The following DACH2 variants were observed in gnomAD, a reference collection of about 807,000 sequenced individuals.
The protein encoded by DACH2 is dachshund homolog 2.
DACH2 carries 17 observed loss-of-function variants against 35.8 expected under a neutral mutation model. The ratio of observed to expected loss-of-function variants is 0.48; its 90% CI spans 0.33 to 0.71. DACH2 has a LOEUF of 0.71. Among genes scored for constraint, DACH2 ranks in the 30% least tolerant of loss-of-function variants. The pLI is 0.02. For synonymous variants in DACH2, 195 were observed against 177.3 expected (o/e 1.10, Z -0.79); for missense variants, 469 against 472.7 (o/e 0.99, Z 0.07).
chrX:86,695,286 T>C, intron 5 of DACH2, 107 bp downstream of exon 5: 1 of 647,376 alleles, frequency 1.5e-6, no homozygotes, highest in East Asian at 4.4e-5. Flanking sequence ...TTCAATAAAG[T>C]TTAACAATTT....
intron 1 of DACH2, among the ~76,000 whole-genome samples, chrX:86,188,628 C>A (rs753231758): frequency 9.9e-5 from 11 of 111,579 alleles, no homozygotes; most frequent in Non-Finnish European, 1.9e-4. Flanking sequence ...CAAAAGGGGC[C>A]TTTTAAGACC....
chrX:86,781,471 C>T (rs2147309761), intron 7 of DACH2, among the ~76,000 whole-genome samples: 1 of 111,601 alleles, frequency 9.0e-6, no homozygotes, highest in South Asian at 3.7e-4. Context: ...TTTTGCATAA[C>T]TTTCTAAACA....
At chrX:86,404,172 G>A (rs2036484584) in intron 2 of DACH2, among the ~76,000 whole-genome samples, 1 of 109,944 alleles carries the variant, frequency 9.1e-6, no homozygotes, top group Non-Finnish European at 1.9e-5. Flanking sequence ...CCCACCCCTG[G>A]CCCCTCCCAA....
intron 11 of DACH2, chrX:86,829,513 C>A (rs896577197): frequency 8.9e-6 from 1 of 112,003 alleles, no homozygotes; most frequent in Non-Finnish European, 1.9e-5. Context: ...CATATATCTG[C>A]CTTGTTTATG....
intron 3 of DACH2, among the ~76,000 whole-genome samples, chrX:86,586,606 G>A (rs997843900): frequency 1.8e-5 from 2 of 111,557 alleles, no homozygotes; most frequent in Non-Finnish European, 3.8e-5. Context: ...TTTTGTGTAT[G>A]GTGAAGAAGA....
rs2032006184 is a variant in DACH2, at chrX:86,196,905, A to G, written c.488+47797A>G. ...ACAGACATTCAAATTCAGGAAATGC[A>G]GAGAACCCAAGTAAGATACTTCAAA... On this transcript the variant is annotated intron_variant, in intron 1 of 11. Transcript: ENST00000373125. Among the ~76,000 whole-genome samples, 3 of 109,769 alleles carry G rather than the reference A, an allele frequency of 2.7e-5. No individual in the cohort carries two copies. The Admixed American group carries it at 3.0e-4, about 11-fold the overall frequency.
At chrX:86,264,585 T>C in intron 1 of DACH2, among the ~76,000 whole-genome samples, 1 of 111,874 alleles carries the variant, frequency 8.9e-6, no homozygotes, top group Non-Finnish European at 1.9e-5. Flanking sequence ...TTCTGCCCAA[T>C]CCAGGTTAAA....
At chrX:86,615,945 G>A (rs973263186) in intron 3 of DACH2, among the ~76,000 whole-genome samples, 5 of 109,820 alleles carry the variant, frequency 4.6e-5, no homozygotes, top group Non-Finnish European at 7.6e-5. Flanking sequence ...CCCTCAACTA[G>A]GCCACAGTGT....
At chrX:86,222,082 T>C (rs2147924625) in intron 1 of DACH2, among the ~76,000 whole-genome samples, 1 of 112,567 alleles carries the variant, frequency 8.9e-6, no homozygotes, top group South Asian at 3.7e-4. Flanking sequence ...TTCCAAATAC[T>C]TTCACATTGG....
At chrX:86,815,647 GTA>G (rs1195764988) in intron 10 of DACH2, among the ~76,000 whole-genome samples, 1 of 104,842 alleles carries the variant, frequency 9.5e-6, no homozygotes, top group African/African-American at 3.4e-5. Context: ...ATAAATATGT[GTA>G]TATATATGAT....
intron 7 of DACH2, among the ~76,000 whole-genome samples, chrX:86,809,353 G>A (rs2042374084): frequency 9.0e-6 from 1 of 110,795 alleles, no homozygotes; most frequent in Non-Finnish European, 1.9e-5. Context: ...TTGCCAATTA[G>A]GATTTTTCAA....
intron 2 of DACH2, among the ~76,000 whole-genome samples, chrX:86,417,381 T>C (rs1206707378): frequency 1.8e-5 from 2 of 111,786 alleles, no homozygotes; most frequent in African/African-American, 3.3e-5. Context: ...ATACCTGAGA[T>C]GGGTCAATTT....
intron 3 of DACH2, among the ~76,000 whole-genome samples, chrX:86,551,675 T>A (rs2039050843): frequency 8.9e-6 from 1 of 112,283 alleles, no homozygotes; most frequent in Non-Finnish European, 1.9e-5. Context: ...ACATTCTTTC[T>A]GTAGCAGATC....
At chrX:86,464,395 G>T (rs774227552) in intron 2 of DACH2, among the ~76,000 whole-genome samples, 1 of 111,213 alleles carries the variant, frequency 9.0e-6, no homozygotes, top group East Asian at 2.8e-4. Context: ...TGGAAGCCAT[G>T]ATTCTCAGCA....
At chrX:86,288,352 T>C (rs1397063662) in intron 1 of DACH2, among the ~76,000 whole-genome samples, 1 of 112,131 alleles carries the variant, frequency 8.9e-6, no homozygotes, top group Non-Finnish European at 1.9e-5. Flanking sequence ...ACCACAGCAC[T>C]GAGTCTCACC....
intron 1 of DACH2, among the ~76,000 whole-genome samples, chrX:86,278,293 CA>C (rs2033956944): frequency 8.9e-6 from 1 of 111,946 alleles, no homozygotes; most frequent in Non-Finnish European, 1.9e-5. Context: ...ACCAATGCTT[CA>C]AAAGTTGGAC....
At chrX:86,331,353 C>G (rs1373967236) in intron 1 of DACH2, among the ~76,000 whole-genome samples, 2 of 110,960 alleles carry the variant, frequency 1.8e-5, no homozygotes, top group Admixed American at 1.9e-4. Context: ...AAAATAACAG[C>G]AGGGTCACTT....
chrX:86,378,555 G>C (rs778205860), intron 2 of DACH2, among the ~76,000 whole-genome samples: 6 of 110,556 alleles, frequency 5.4e-5, no homozygotes, highest in African/African-American at 2.0e-4. Flanking sequence ...AAAGAAGCTG[G>C]GAATTACGAT....
At position 86,202,332 on chromosome X, in the gene DACH2, T is replaced by C. The variant is rs186689968; in HGVS notation, c.488+53224T>C. 3.6e-5 allele frequency among the ~76,000 whole-genome samples: 4 copies of C among 111,560 alleles called. No individual in the cohort carries two copies. In the East Asian group the frequency reaches 1.1e-3, roughly 32 times the overall value. ...CATATACAAATACAAGAAAGTGCGA[T>C]TGAAACAGAGATGGGAAAGTTATTG... On this transcript the variant is annotated intron_variant, in intron 1 of 11. Coordinates refer to ENST00000373125, the MANE Select transcript of DACH2 (RefSeq NM_053281.3).
Sources: gnomAD v4.1 joint callset for allele counts (sites outside exome capture counted in the v4.1 genomes callset) on GRCh38, gnomAD v4.1.1 for gene constraint, MANE v1.5 for transcripts, NCBI Gene and HGNC (gene_info 2026-07-23, HGNC 2026-07-21) for gene names.